Variants in SCMH1 observed in about 807,000 individuals in gnomAD.
SCMH1 encodes the protein Scm polycomb group protein homolog 1.
In SCMH1, 37 loss-of-function variants were observed where a neutral mutation model predicts 70.8. The ratio of observed to expected loss-of-function variants is 0.52; its 90% CI spans 0.40 to 0.69. The LOEUF is 0.69. Among genes scored for constraint, SCMH1 ranks in the 30% least tolerant of loss-of-function variants. The pLI, the probability that SCMH1 is intolerant of heterozygous loss-of-function variation, is 0.00. For missense variants in SCMH1, 607 were observed against 827.3 expected (o/e 0.73, Z 3.27); for synonymous variants, 292 against 307.4 (o/e 0.95, Z 0.52).
exon 7 of SCMH1, chr1:41,116,951 C>G: frequency 6.2e-7 from 1 of 1,603,864 alleles, no homozygotes; most frequent in Non-Finnish European, 8.5e-7. Context: ...GGAGCCATCT[C>G]TGCTCCATTT....
chr1:41,105,690 C>T (rs963412027), intron 8 of SCMH1, among the ~76,000 whole-genome samples: 6 of 152,058 alleles, frequency 3.9e-5, no homozygotes, highest in Middle Eastern at 3.2e-3. Flanking sequence ...AATATGCCCC[C>T]CACCCCATCT....
chr1:41,188,659 T>C (rs902665158), intron 1 of SCMH1, among the ~76,000 whole-genome samples: 2 of 152,226 alleles, frequency 1.3e-5, no homozygotes, highest in African/African-American at 4.8e-5. Flanking sequence ...TGTAAGGCTA[T>C]GGTAGTATCC....
chr1:41,226,467 T>C (rs557523156), intron 1 of SCMH1, among the ~76,000 whole-genome samples: 1 of 152,218 alleles, frequency 6.6e-6, no homozygotes, highest in Non-Finnish European at 1.5e-5. Flanking sequence ...ATGTTTAGCA[T>C]CCGGCAAACA....
chr1:41,142,803 C>G (rs1644221096), intron 6 of SCMH1, 75 bp downstream of exon 6: 1 of 1,288,014 alleles, frequency 7.8e-7, no homozygotes. Context: ...CTAGGCTTTC[C>G]CATAATAGGA....
At chr1:41,108,030 G>T (rs1668431666) in intron 8 of SCMH1, among the ~76,000 whole-genome samples, 1 of 152,180 alleles carries the variant, frequency 6.6e-6, no homozygotes, top group South Asian at 2.1e-4. Flanking sequence ...CGTGAGCCAC[G>T]ATGTTGAGTC....
intron 12 of SCMH1, among the ~76,000 whole-genome samples, chr1:41,039,284 G>T (rs1326000688): frequency 6.6e-6 from 1 of 152,152 alleles, no homozygotes; most frequent in African/African-American, 2.4e-5. Context: ...TTTCAGCAAT[G>T]CTAAGAACAC....
At chr1:41,151,563 A>G (rs1557666986) in intron 5 of SCMH1, 51 bp downstream of exon 5, 2 of 1,470,536 alleles carry the variant, frequency 1.4e-6, no homozygotes, top group Non-Finnish European at 1.9e-6. Flanking sequence ...TCTAAAAACC[A>G]TAAAAAAATG....
chr1:41,077,900 T>C (rs927593956), intron 8 of SCMH1, among the ~76,000 whole-genome samples: 2 of 152,110 alleles, frequency 1.3e-5, no homozygotes, highest in Admixed American at 1.3e-4. Flanking sequence ...AACAGTGTGA[T>C]CAGTAATCAA....
intron 3 of SCMH1, 112 bp from the exon 4 acceptor site, chr1:41,161,010 A>G: frequency 9.0e-7 from 1 of 1,112,462 alleles, no homozygotes; most frequent in Non-Finnish European, 1.3e-6. Context: ...TAGTTCAGTT[A>G]TCTCATCCTA....
At chr1:41,028,847 C>G in intron 13 of SCMH1, 121 bp from the exon 15 acceptor site, 1 of 1,077,384 alleles carries the variant, frequency 9.3e-7, no homozygotes, top group Non-Finnish European at 1.3e-6. Flanking sequence ...AGACGATGAG[C>G]TGAGGAACTG....
intron 1 of SCMH1, among the ~76,000 whole-genome samples, chr1:41,198,726 G>A (rs1359474918): frequency 6.6e-6 from 1 of 152,180 alleles, no homozygotes; most frequent in Non-Finnish European, 1.5e-5. Flanking sequence ...CATTAAAAGT[G>A]CAAGAAATAA....
chr1:41,056,258 A>T (rs1650256237), intron 10 of SCMH1, among the ~76,000 whole-genome samples: 1 of 152,262 alleles, frequency 6.6e-6, no homozygotes, highest in South Asian at 2.1e-4. Flanking sequence ...AGGCAACATG[A>T]GTTCTGCTAG....
intron 8 of SCMH1, among the ~76,000 whole-genome samples, chr1:41,081,698 T>C (rs1287969306): frequency 6.6e-6 from 1 of 152,114 alleles, no homozygotes; most frequent in Non-Finnish European, 1.5e-5. Flanking sequence ...TGCACACCTG[T>C]AGTCCCAGTG....
intron 4 of SCMH1, chr1:41,152,468 G>A (rs1645151717): frequency 6.4e-6 from 6 of 942,722 alleles, no homozygotes; most frequent in Non-Finnish European, 6.4e-6. Context: ...TCTTCAAGGT[G>A]ACACTGTGCT....
chr1:41,187,207 A>C (rs1270184284), intron 1 of SCMH1, among the ~76,000 whole-genome samples: 1 of 152,210 alleles, frequency 6.6e-6, no homozygotes, highest in Non-Finnish European at 1.5e-5. Flanking sequence ...TCACGTCTGT[A>C]GTCCCAGCAC....
At chr1:41,038,324 C>G (rs1645599494) in intron 12 of SCMH1, among the ~76,000 whole-genome samples, 5 of 152,194 alleles carry the variant, frequency 3.3e-5, no homozygotes, top group Admixed American at 3.3e-4. Flanking sequence ...TACAAAGAAC[C>G]CGAAGCAGAT....
chr1:41,118,203 C>G (rs1160693644), intron 6 of SCMH1, among the ~76,000 whole-genome samples: 1 of 152,128 alleles, frequency 6.6e-6, no homozygotes, highest in Non-Finnish European at 1.5e-5. Flanking sequence ...GAAAATGAGG[C>G]ACATAAGAGA....
chr1:41,166,654 G>C (rs970373724), intron 2 of SCMH1, among the ~76,000 whole-genome samples: 2 of 99,320 alleles, frequency 2.0e-5, no homozygotes, highest in African/African-American at 1.1e-4. Context: ...AAAGTTCACT[G>C]TTAGTGTATA....
At chr1:41,028,686 C>T (rs1209195573) in exon 14 of SCMH1, 7 of 1,614,052 alleles carry the variant, frequency 4.3e-6, no homozygotes, top group Non-Finnish European at 5.9e-6. Flanking sequence ...CCCGGCCACT[C>T]AGTCGAGAGG....
Sources: gnomAD v4.1 joint callset for allele counts (sites outside exome capture counted in the v4.1 genomes callset) on GRCh38, gnomAD v4.1.1 for gene constraint, MANE v1.5 for transcripts, NCBI Gene and HGNC (gene_info 2026-07-23, HGNC 2026-07-21) for gene names.